Variants in ZNF804B observed in about 807,000 individuals in gnomAD.
ZNF804B encodes the protein zinc finger 804B.
In ZNF804B, 80 loss-of-function variants were observed where a neutral mutation model predicts 101.4. The observed-to-expected ratio is 0.79, with a 90% CI of 0.66 to 0.95. The LOEUF (loss-of-function observed/expected upper bound fraction) is 0.95. Ranked by LOEUF, ZNF804B falls within the 40% of genes least tolerant of loss-of-function variation. The probability of loss-of-function intolerance (pLI) is 0.00; values close to 1 mark genes in which losing one functional copy is unlikely to be tolerated. For synonymous variants in ZNF804B, 622 were observed against 558.8 expected (o/e 1.11, Z -1.59); for missense variants, 1,673 against 1,561.9 (o/e 1.07, Z -1.20).
intron 1 of ZNF804B, among the ~76,000 whole-genome samples, chr7:89,186,193 A>G (rs1788373758): frequency 6.6e-6 from 1 of 152,142 alleles, no homozygotes. Context: ...CACAAATAAA[A>G]AGAAAGTATT....
intron 1 of ZNF804B, among the ~76,000 whole-genome samples, chr7:89,033,416 C>G (rs13438635): frequency 0.18 from 27,359 of 152,034 alleles, 2,618 homozygotes; most frequent in East Asian, 0.25. Flanking sequence ...AGTGCCACCA[C>G]AAACATAGGG....
intron 1 of ZNF804B, among the ~76,000 whole-genome samples, chr7:88,922,989 G>A (rs1458139134): frequency 1.3e-5 from 2 of 151,910 alleles, no homozygotes; most frequent in African/African-American, 2.4e-5. Flanking sequence ...AGTAATTATT[G>A]AAGACAAAAT....
chr7:89,233,670 C>T (rs1486124984), intron 2 of ZNF804B, among the ~76,000 whole-genome samples: 1 of 151,650 alleles, frequency 6.6e-6, no homozygotes, highest in African/African-American at 2.4e-5. Context: ...TGGACTTTCA[C>T]TCTTGTTGCC....
intron 1 of ZNF804B, among the ~76,000 whole-genome samples, chr7:88,914,807 G>A (rs1193424279): frequency 6.6e-6 from 1 of 152,090 alleles, no homozygotes; most frequent in Non-Finnish European, 1.5e-5. Context: ...TATTATTTTG[G>A]TTTATAAGTC....
At chr7:89,123,789 A>G (rs1213976695) in intron 1 of ZNF804B, among the ~76,000 whole-genome samples, 1 of 152,164 alleles carries the variant, frequency 6.6e-6, no homozygotes, top group Non-Finnish European at 1.5e-5. Flanking sequence ...GCCAAAGATA[A>G]TACAAGTAGT....
chr7:88,817,913 ATT>A (rs1790911828), intron 1 of ZNF804B, among the ~76,000 whole-genome samples: 1 of 152,084 alleles, frequency 6.6e-6, no homozygotes, highest in African/African-American at 2.4e-5. Context: ...CTCTTTATAG[ATT>A]TTTGTGGGGA....
At chr7:88,815,466 G>C (rs1790861250) in intron 1 of ZNF804B, among the ~76,000 whole-genome samples, 1 of 149,528 alleles carries the variant, frequency 6.7e-6, no homozygotes, top group South Asian at 2.1e-4. Context: ...TGTTAGGTAT[G>C]TTATTAGAAT....
intron 1 of ZNF804B, among the ~76,000 whole-genome samples, chr7:88,990,674 C>A (rs1377909092): frequency 2.0e-5 from 3 of 152,066 alleles, no homozygotes; most frequent in Non-Finnish European, 4.4e-5. Context: ...TTTTGAAGCA[C>A]AGAGTAAAGG....
At chr7:89,245,901 A>G (rs1014326226) in intron 2 of ZNF804B, among the ~76,000 whole-genome samples, 3 of 152,178 alleles carry the variant, frequency 2.0e-5, no homozygotes, top group African/African-American at 7.2e-5. Context: ...GATCTAAGTA[A>G]CCCAGGGAGA....
At chr7:89,009,478 G>A (rs923708378) in intron 1 of ZNF804B, among the ~76,000 whole-genome samples, 4 of 152,002 alleles carry the variant, frequency 2.6e-5, no homozygotes, top group Admixed American at 6.6e-5. Flanking sequence ...AGCTTCTTTC[G>A]TGTCAACCTA....
intron 2 of ZNF804B, among the ~76,000 whole-genome samples, chr7:89,223,710 A>C (rs548013121): frequency 1.3e-5 from 2 of 151,830 alleles, no homozygotes; most frequent in East Asian, 3.9e-4. Flanking sequence ...TATTTTCTTA[A>C]GTATTATTTG....
In ZNF804B at chr7:89,327,459, G is replaced by A. The variant is rs1180066159; in HGVS notation, c.365G>A (p.Arg122Lys). ...CGACTTCATCAGCTGGCTGAGTTAAGGCAGCAATCTGAATGGTAAGAATTA... is the reference window on the plus strand; with the variant it reads ...CGACTTCATCAGCTGGCTGAGTTAAAGCAGCAATCTGAATGGTAAGAATTA... ...LKRLHQLAEL[R>K]QQSECVSGNG... is the part of the protein sequence containing the mutation. Residue 122 changes from arginine to lysine, a missense_variant, in exon 3 of 4, where the codon AGG becomes AAG. Arg to Lys is a conservative substitution (Grantham distance 26, BLOSUM62 2). Coordinates refer to ENST00000333190, the MANE Select transcript of ZNF804B (RefSeq NM_181646.5). The A allele has an allele frequency of 6.2e-7, 1 of 1,610,450 alleles. No homozygotes were observed. Among genetic ancestry groups the A allele is most frequent in the Non-Finnish European group, 8.5e-7 (1 of 1,178,134 alleles).
intron 1 of ZNF804B, among the ~76,000 whole-genome samples, chr7:88,889,137 A>G (rs556567632): frequency 6.6e-6 from 1 of 152,296 alleles, no homozygotes; most frequent in South Asian, 2.1e-4. Flanking sequence ...TTTTATGACT[A>G]CATAGTATTC....
intron 2 of ZNF804B, among the ~76,000 whole-genome samples, chr7:89,259,876 A>T (rs574470808): frequency 7.9e-5 from 12 of 151,918 alleles, no homozygotes; most frequent in African/African-American, 2.7e-4. Context: ...GCTACTCGGG[A>T]GCCTGAGACA....
intron 2 of ZNF804B, among the ~76,000 whole-genome samples, chr7:89,270,997 T>C (rs1014381670): frequency 6.6e-6 from 1 of 152,204 alleles, no homozygotes; most frequent in Non-Finnish European, 1.5e-5. Flanking sequence ...AGATATACAA[T>C]CATGTCATCT....
intron 1 of ZNF804B, among the ~76,000 whole-genome samples, chr7:88,917,150 A>T (rs908494691): frequency 6.6e-6 from 1 of 152,066 alleles, no homozygotes; most frequent in African/African-American, 2.4e-5. Context: ...GTGTAATCCC[A>T]GCTACTTGGA....
chr7:88,896,697 A>G (rs1359287622), intron 1 of ZNF804B, among the ~76,000 whole-genome samples: 2 of 151,766 alleles, frequency 1.3e-5, no homozygotes, highest in African/African-American at 2.4e-5. Flanking sequence ...ATACTTAATC[A>G]TTTGGCCAAA....
intron 1 of ZNF804B, among the ~76,000 whole-genome samples, chr7:89,186,058 T>G (rs569579607): frequency 1.3e-3 from 194 of 152,094 alleles, no homozygotes; most frequent in Non-Finnish European, 2.4e-3. Flanking sequence ...ACTTATATAG[T>G]GAAAAGTTAA....
intron 1 of ZNF804B, among the ~76,000 whole-genome samples, chr7:89,151,334 A>G (rs722006): frequency 0.15 from 22,531 of 152,002 alleles, 1,764 homozygotes; most frequent in Admixed American, 0.16. Flanking sequence ...GATGCCATTT[A>G]TATTTATTCA....
Sources: allele counts gnomAD v4.1 joint callset (sites outside exome capture counted in the v4.1 genomes callset), GRCh38; gene constraint gnomAD v4.1.1; transcripts MANE v1.5; gene names NCBI Gene and HGNC (gene_info 2026-07-23, HGNC 2026-07-21).